The following DMXL1 variants were observed in gnomAD, a reference collection of about 807,000 sequenced individuals.
DMXL1 encodes the protein Dmx like 1.
DMXL1 carries 99 observed loss-of-function variants against 319.2 expected under a neutral mutation model. That is an observed-to-expected ratio of 0.31 (90% confidence interval 0.26 to 0.37). The LOEUF is 0.37. DMXL1 is among the 10% of genes least tolerant of loss of function. The pLI is 1.00. For missense variants in DMXL1, 3,745 were observed against 3,595.6 expected, an observed-to-expected ratio of 1.04 and a Z score of -1.06; for synonymous variants, 1,385 against 1,235.2, an observed-to-expected ratio of 1.12 and a Z score of -2.54.
intron 39 of DMXL1, chr5:119,236,863 C>G (rs1286109689): frequency 1.3e-5 from 2 of 151,964 alleles, no homozygotes; most frequent in African/African-American, 2.4e-5. Context: ...GCCCTGAGCT[C>G]CCATAGCGGA....
intron 28 of DMXL1, chr5:119,178,602 A>G: frequency 1.0e-6 from 1 of 985,306 alleles, no homozygotes; most frequent in Non-Finnish European, 1.2e-6. Context: ...CCTAGCCCCC[A>G]CCAGGTAGTG....
chr5:119,189,923 T>C (rs1250362151), intron 29 of DMXL1, 37 bp downstream of exon 29: 1 of 1,549,934 alleles, frequency 6.5e-7, no homozygotes, highest in East Asian at 2.3e-5. Context: ...ATTTTCATAG[T>C]CAAATAGAAA....
chr5:119,220,475 A>G lies in DMXL1; in HGVS notation c.8017A>G (p.Asn2673Asp). The G allele has an allele frequency of 1.9e-6, 3 of 1,612,942 alleles. No individual in the cohort carries two copies. Among genetic ancestry groups the G allele is most frequent in the Non-Finnish European group, 1.7e-6 (2 of 1,179,672 alleles). The change falls in exon 36 of 44, where the codon AAT becomes GAT. Residue 2673 changes from asparagine (N) to aspartate (D), a missense_variant. This residue lies in a region of DMXL1 where 1,382 missense variants were observed against 1,269.5 expected (regional missense o/e 1.09). Transcript: ENST00000539542. ...IITAFAVNKA[N>D]RNCIAIASSH... ...TACCATTTGACTTATTTTTCAGGCA[A>G]ATAGAAACTGCATAGCAATCGCTTC...
rs1200957102 is a variant in DMXL1 at position 119,082,020 on chromosome 5, T to TATATATACAC, written c.87+10365_87+10366insTATATACACA. Among the ~76,000 whole-genome samples, 260 of 108,136 alleles carry TATATATACAC rather than the reference T, an allele frequency of 2.4e-3. 3 individuals carry two copies. The highest frequency in any genetic ancestry group is 4.6e-3 in the Middle Eastern group (1 of 218). The allele number at this position is 108,136 out of a possible 152,430, so 70.9% of individuals were successfully genotyped here. A position where few individuals can be genotyped will look rare whatever the true frequency, so the allele number is the denominator to read the frequency against. On this transcript the variant is annotated intron_variant, in intron 1 of 43. Transcript: ENST00000539542. ...GGTTATATATATATATATATATATA[T>TATATATACAC]ACACACACACACACACACACACACA...
intron 32 of DMXL1, among the ~76,000 whole-genome samples, chr5:119,202,126 G>T (rs903045695): frequency 7.9e-5 from 12 of 152,124 alleles, no homozygotes; most frequent in African/African-American, 2.9e-4. Context: ...GGGTTTATTT[G>T]TTCTTGCTTC....
In DMXL1 at chr5:119,133,447, T is replaced by G. The variant is rs201349252; in HGVS notation, c.1570-47T>G. Reference sequence around the variant, plus strand: ...TATGTGGGTACTATTTTCTAATACCTCTTTATATAATTTTATATGTTCTAA... The same window carrying G: ...TATGTGGGTACTATTTTCTAATACCGCTTTATATAATTTTATATGTTCTAA... On this transcript the variant is annotated intron_variant, in intron 11 of 43. Transcript: ENST00000539542. The G allele has an allele frequency of 1.1e-5, 18 of 1,576,652 alleles. No individual in the cohort carries two copies. The African/African-American group carries it at 2.2e-4, about 19-fold the overall frequency.
At chr5:119,223,458 G>T (rs769377335) in intron 37 of DMXL1, among the ~76,000 whole-genome samples, 1 of 152,112 alleles carries the variant, frequency 6.6e-6, no homozygotes, top group Non-Finnish European at 1.5e-5. Flanking sequence ...GGTATTGGAC[G>T]TATAGTAGGT....
intron 19 of DMXL1, 64 bp from the exon 20 acceptor site, chr5:119,164,443 A>G: frequency 7.1e-7 from 1 of 1,403,868 alleles, no homozygotes; most frequent in East Asian, 2.5e-5. Context: ...TGGAACATAC[A>G]TTTCTGATAA....
At chr5:119,195,647 G>A (rs1297935568) in intron 30 of DMXL1, among the ~76,000 whole-genome samples, 1 of 152,170 alleles carries the variant, frequency 6.6e-6, no homozygotes, top group Non-Finnish European at 1.5e-5. Flanking sequence ...GAGTTGGATG[G>A]TGGTGGTGGT....
In DMXL1 at chr5:119,189,792, C is replaced by T. The variant is rs1274515458; in HGVS notation, c.7220C>T (p.Thr2407Ile). ...TCTTGCAGAGAATCTGCCCCACTGA[C>T]CCCTTCCTCGGCACCAGTAAGCCAG... ...KMSCRESAPL[T>I]PSSAPVSQES... The change falls in exon 29 of 44, where the codon ACC becomes ATC. Residue 2407 changes from threonine (T) to isoleucine (I), a missense_variant. Thr to Ile is a moderately conservative substitution (Grantham distance 89, BLOSUM62 -1). Coordinates refer to ENST00000539542, the MANE Select transcript of DMXL1 (RefSeq NM_001290321.3). 1 of 1,614,128 alleles carries T rather than the reference C, an allele frequency of 6.2e-7. No individual in the cohort carries two copies. Among genetic ancestry groups the T allele is most frequent in the Non-Finnish European group, 8.5e-7 (1 of 1,180,002 alleles).
intron 34 of DMXL1, among the ~76,000 whole-genome samples, chr5:119,211,469 T>C (rs1388437090): frequency 1.3e-5 from 2 of 152,178 alleles, no homozygotes; most frequent in Non-Finnish European, 2.9e-5. Flanking sequence ...AAGTGTACAT[T>C]TCATTTATGT....
At chr5:119,173,884 A>C (rs1450099867) in intron 25 of DMXL1, among the ~76,000 whole-genome samples, 1 of 149,360 alleles carries the variant, frequency 6.7e-6, no homozygotes, top group Non-Finnish European at 1.5e-5. Context: ...CAAGTTGGAC[A>C]CCCAGGAGAG....
chr5:119,187,229 C>A (rs890570321), intron 28 of DMXL1, among the ~76,000 whole-genome samples: 2 of 152,140 alleles, frequency 1.3e-5, no homozygotes, highest in African/African-American at 4.8e-5. Context: ...ATTCTATATT[C>A]AAGTTGCTCT....
chr5:119,155,826 C>CAAAAAAA (rs35851317), intron 19 of DMXL1, among the ~76,000 whole-genome samples: 7 of 84,818 alleles, frequency 8.3e-5, no homozygotes, highest in East Asian at 3.0e-4. Context: ...GACCCTGTCT[C>CAAAAAAA]AAAAAAAAAA....
At chr5:119,083,872 TC>T (rs1287971624) in intron 1 of DMXL1, among the ~76,000 whole-genome samples, 1 of 152,148 alleles carries the variant, frequency 6.6e-6, no homozygotes, top group Non-Finnish European at 1.5e-5. Flanking sequence ...CATACAGTTA[TC>T]TGTAGTGGTT....
chr5:119,123,102 A>T (rs1762577432), intron 9 of DMXL1, among the ~76,000 whole-genome samples: 1 of 152,062 alleles, frequency 6.6e-6, no homozygotes. Flanking sequence ...GGAGCTGGAG[A>T]CCGGCCCGGC....
At chr5:119,221,367 A>G (rs1056051498) in intron 37 of DMXL1, among the ~76,000 whole-genome samples, 1 of 152,244 alleles carries the variant, frequency 6.6e-6, no homozygotes, top group African/African-American at 2.4e-5. Context: ...GGTGTTCCCC[A>G]TAGATCAAAT....
At chr5:119,143,318 TATTTC>T (rs1767834616) in intron 13 of DMXL1, among the ~76,000 whole-genome samples, 1 of 151,644 alleles carries the variant, frequency 6.6e-6, no homozygotes, top group Admixed American at 6.6e-5. Context: ...AGAAAAAAAA[TATTTC>T]AAGGAGGAAG....
intron 9 of DMXL1, chr5:119,128,138 G>T: frequency 2.0e-6 from 1 of 496,308 alleles, no homozygotes; most frequent in South Asian, 1.5e-5. Flanking sequence ...AGCAGCAACT[G>T]AACACCACCT....
Sources: gnomAD v4.1 joint callset for allele counts (sites outside exome capture counted in the v4.1 genomes callset) on GRCh38, gnomAD v4.1.1 for gene constraint, gnomAD v4.1.1 regional missense constraint, MANE v1.5 for transcripts, NCBI Gene and HGNC (gene_info 2026-07-23, HGNC 2026-07-21) for gene names.